Variants in CNTNAP3B observed in about 807,000 individuals in gnomAD.
The protein encoded by CNTNAP3B is contactin associated protein family member 3B, also known as contactin-associated protein-like 3B.
A neutral mutation model predicts 108.9 loss-of-function variants in CNTNAP3B; 25 were observed. The ratio of observed to expected loss-of-function variants is 0.23; its 90% CI spans 0.17 to 0.32. The LOEUF (loss-of-function observed/expected upper bound fraction) is 0.32. Ranked by LOEUF, CNTNAP3B falls within the 10% of genes least tolerant of loss-of-function variation. The probability of loss-of-function intolerance (pLI) is 1.00; values close to 1 mark genes in which losing one functional copy is unlikely to be tolerated. For synonymous variants in CNTNAP3B, 103 were observed against 473.4 expected (o/e 0.22, Z 10.16); for missense variants, 252 against 1,210.4 (o/e 0.21, Z 11.75).
chr9:42,034,182 A>ATCTATCTATCTATCTATCTATC (rs1387322077), intron 3 of CNTNAP3B, among the ~76,000 whole-genome samples: 2 of 61,860 alleles, frequency 3.2e-5, no homozygotes, highest in African/African-American at 1.1e-4. Flanking sequence ...ATGTATGTAT[A>ATCTATCTATCTATCTATCTATC]TATGTATCTA....
chr9:41,940,381 C>T (rs1587125182), intron 13 of CNTNAP3B, among the ~76,000 whole-genome samples: 1 of 152,280 alleles, frequency 6.6e-6, no homozygotes, highest in African/African-American at 2.4e-5. Context: ...GTAAAAGAAC[C>T]CTAATTTGAA....
At chr9:41,962,837 C>T in intron 11 of CNTNAP3B, among the ~76,000 whole-genome samples, 1 of 152,152 alleles carries the variant, frequency 6.6e-6, no homozygotes, top group East Asian at 1.9e-4. Context: ...CGCCTGTAGT[C>T]CCAGGTACTC....
At chr9:42,114,823 AG>A (rs1828277060) in intron 1 of CNTNAP3B, among the ~76,000 whole-genome samples, 1 of 138,048 alleles carries the variant, frequency 7.2e-6, no homozygotes, top group Admixed American at 7.3e-5. Context: ...GCAGTGGTCA[AG>A]ATGGGTGGAT....
At chr9:41,972,669 T>C (rs978364760) in intron 9 of CNTNAP3B, among the ~76,000 whole-genome samples, 2 of 135,586 alleles carry the variant, frequency 1.5e-5, no homozygotes, top group Non-Finnish European at 3.1e-5. Context: ...TGTTTAAAAG[T>C]TTGAAGACTA....
In CNTNAP3B at chr9:41,953,238, G is replaced by A. The variant is rs1381305086; in HGVS notation, c.2025C>T (p.Arg675=). 3.9e-6 allele frequency: 6 copies of A among 1,527,988 alleles called. No individual in the cohort carries two copies. In the Admixed American group the frequency reaches 1.0e-4, roughly 26 times the overall value. The allele number at this position is 1,527,988 out of a possible 1,614,324, so 94.7% of individuals were successfully genotyped here. A position where few individuals can be genotyped will look rare whatever the true frequency, so the allele number is the denominator to read the frequency against. Residue 675 remains arginine, a synonymous_variant, in exon 13 of 24, where the codon CGC becomes CGT. Coordinates refer to ENST00000377561, the MANE Select transcript of CNTNAP3B (RefSeq NM_001201380.3). ...QLRAAVNLAE[R]CEQRLALRCG... ...AGCGCAGAGCCAGCCGCTGCTCGCAGCGCTCCGCCAGGTTCACCGCGGCCC... is the reference window on the plus strand; with the variant it reads ...AGCGCAGAGCCAGCCGCTGCTCGCAACGCTCCGCCAGGTTCACCGCGGCCC...
intron 14 of CNTNAP3B, among the ~76,000 whole-genome samples, chr9:41,935,958 G>C (rs1244390686): frequency 6.6e-6 from 1 of 152,274 alleles, no homozygotes; most frequent in East Asian, 1.9e-4. Context: ...GTTCATGGGA[G>C]GGTCACTCAA....
chr9:42,047,505 G>A (rs1462542995), intron 3 of CNTNAP3B, among the ~76,000 whole-genome samples: 1 of 90,662 alleles, frequency 1.1e-5, no homozygotes, highest in East Asian at 4.2e-4. Context: ...AGAAAGAAAT[G>A]AGTCTAGTCG....
intron 2 of CNTNAP3B, among the ~76,000 whole-genome samples, chr9:42,098,042 T>C (rs1190582771): frequency 1.4e-5 from 2 of 138,594 alleles, no homozygotes; most frequent in African/African-American, 5.7e-5. Context: ...GAGGGAGTGA[T>C]ATCTCTAAGA....
intron 9 of CNTNAP3B, among the ~76,000 whole-genome samples, chr9:41,977,754 G>A (rs1196402578): frequency 4.8e-5 from 6 of 124,360 alleles, no homozygotes; most frequent in East Asian, 2.6e-4. Flanking sequence ...TGGGAAGCTG[G>A]GACTACAGGC....
chr9:42,129,147 G>C lies in CNTNAP3B; in HGVS notation c.-53C>G, dbSNP rs549747153. The C allele has an allele frequency of 1.8e-5, 27 of 1,520,322 alleles. No individual in the cohort carries two copies. In the East Asian group the frequency reaches 3.2e-4, roughly 18 times the overall value. The allele number at this position is 1,520,322 out of a possible 1,614,324, so 94.2% of individuals were successfully genotyped here. A position where few individuals can be genotyped will look rare whatever the true frequency, so the allele number is the denominator to read the frequency against. The stretch of plus-strand genomic sequence containing the variant: ...CCGGGCACGGCGACGGCCGCTCTGC[G>C]TCGTTCCTGCTCTCACTCCCGCTCT... On this transcript the variant is annotated 5_prime_UTR_variant, in exon 1 of 24. Coordinates refer to ENST00000377561, the MANE Select transcript of CNTNAP3B (RefSeq NM_001201380.3).
chr9:42,053,875 C>T (rs1827005590), intron 3 of CNTNAP3B, among the ~76,000 whole-genome samples: 1 of 146,090 alleles, frequency 6.8e-6, no homozygotes, highest in Non-Finnish European at 1.5e-5. Context: ...CGATGCGCTG[C>T]CTTTCTTCAC....
rs573430188 is a variant in CNTNAP3B at position 42,115,602 on chromosome 9, G to T, written c.86-10863C>A. Among the ~76,000 whole-genome samples the T allele has an allele frequency of 1.6e-3, 200 of 127,932 alleles. 31 individuals are homozygous for T. The highest frequency in any genetic ancestry group is 6.2e-3 in the African/African-American group (194 of 31,296). 83.9% of individuals were successfully genotyped at this position (127,932 alleles called of 152,430 possible). A position where few individuals can be genotyped will look rare whatever the true frequency, so the allele number is the denominator to read the frequency against. ...CTGCTGGTGATACCCAGGCAAACAG[G>T]GTCTGGACTGGACCTCCAGCAAACT... On this transcript the variant is annotated intron_variant, in intron 1 of 23. Transcript: ENST00000377561.
intron 15 of CNTNAP3B, among the ~76,000 whole-genome samples, chr9:41,928,365 A>G (rs1297488694): frequency 6.6e-6 from 1 of 152,192 alleles, no homozygotes; most frequent in South Asian, 2.1e-4. Context: ...GTAGGTTTGC[A>G]TCTCAGATGA....
intron 13 of CNTNAP3B, among the ~76,000 whole-genome samples, chr9:41,940,682 G>A (rs1480903991): frequency 6.6e-6 from 1 of 152,140 alleles, no homozygotes; most frequent in Non-Finnish European, 1.5e-5. Flanking sequence ...GAGCGTAGCG[G>A]CGGGAGCCTG....
intron 3 of CNTNAP3B, among the ~76,000 whole-genome samples, chr9:42,036,148 T>C (rs1826624551): frequency 6.7e-6 from 1 of 149,564 alleles, no homozygotes; most frequent in African/African-American, 2.5e-5. Context: ...TCAAGCACTC[T>C]TCCCATTTTG....
chr9:41,943,596 C>T (rs947437268), intron 13 of CNTNAP3B, among the ~76,000 whole-genome samples: 1 of 150,988 alleles, frequency 6.6e-6, no homozygotes, highest in African/African-American at 2.5e-5. Context: ...TTGTGATCCG[C>T]CCGCCTCGGC....
chr9:41,980,261 TC>T (rs1386300903), intron 9 of CNTNAP3B: 71 of 34,312 alleles, frequency 2.1e-3, no homozygotes, highest in African/African-American at 0.011. Flanking sequence ...AGGAGTGAGG[TC>T]CCAATTCATC....
At chr9:42,044,232 C>T (rs1826821231) in intron 3 of CNTNAP3B, among the ~76,000 whole-genome samples, 1 of 149,586 alleles carries the variant, frequency 6.7e-6, no homozygotes, top group Admixed American at 6.7e-5. Flanking sequence ...TGTTGTTAAT[C>T]TCTGTGCCTC....
Position 42,097,665 on chromosome 9 carries a change from C to T in CNTNAP3B, c.196+6964G>A, listed in dbSNP as rs1220243589. On this transcript the variant is annotated intron_variant, in intron 2 of 23. Coordinates refer to ENST00000377561, the MANE Select transcript of CNTNAP3B (RefSeq NM_001201380.3). The stretch of plus-strand genomic sequence containing the variant: ...ATTAGCTGAATTGTAATTGATCTTA[C>T]ATTTTGATTTTGTGAAATATATATT... Among the ~76,000 whole-genome samples, 10 of 137,660 alleles carry T rather than the reference C, an allele frequency of 7.3e-5. 3 individuals are homozygous for T. The highest frequency in any genetic ancestry group is 2.3e-4 in the African/African-American group (8 of 34,480). 90.3% of individuals were successfully genotyped at this position (137,660 alleles called of 152,430 possible). A position where few individuals can be genotyped will look rare whatever the true frequency, so the allele number is the denominator to read the frequency against.
Sources: allele counts gnomAD v4.1 joint callset (sites outside exome capture counted in the v4.1 genomes callset), GRCh38; gene constraint gnomAD v4.1.1; transcripts MANE v1.5; gene names NCBI Gene and HGNC (gene_info 2026-07-23, HGNC 2026-07-21).